RPS6KC1: variants seen among roughly 807,000 people sequenced by gnomAD.
The protein encoded by RPS6KC1 is ribosomal protein S6 kinase C1, also known as inactive ribosomal protein S6 kinase delta-1.
In RPS6KC1, 54 loss-of-function variants were observed where a neutral mutation model predicts 103.8. The observed-to-expected ratio is 0.52, with a 90% CI of 0.42 to 0.65. The LOEUF is 0.65. Ranked by LOEUF, RPS6KC1 falls within the 30% of genes least tolerant of loss-of-function variation. The probability of loss-of-function intolerance (pLI) is 0.00; values close to 1 mark genes in which losing one functional copy is unlikely to be tolerated. For synonymous variants in RPS6KC1, 439 were observed against 438.7 expected (o/e 1.00, Z -0.01); for missense variants, 1,151 against 1,253.8 (o/e 0.92, Z 1.24).
chr1:213,280,575 A>G, the RPS6KC1 span, among the ~76,000 whole-genome samples: 1 of 152,128 alleles, frequency 6.6e-6, no homozygotes, highest in Non-Finnish European at 1.5e-5. Flanking sequence ...AAACTGGGGA[A>G]CTCAGTGGGG....
At chr1:213,260,440 G>A (rs1232702025) in intron 12 of RPS6KC1, among the ~76,000 whole-genome samples, 1 of 152,068 alleles carries the variant, frequency 6.6e-6, no homozygotes, top group African/African-American at 2.4e-5. Flanking sequence ...TTCTTTTTCT[G>A]GTCCGTATGA....
intron 10 of RPS6KC1, among the ~76,000 whole-genome samples, chr1:213,238,152 T>C (rs888255017): frequency 6.6e-6 from 1 of 152,102 alleles, no homozygotes; most frequent in African/African-American, 2.4e-5. Flanking sequence ...ATTAATATGA[T>C]GTAAATGTCA....
the RPS6KC1 span, among the ~76,000 whole-genome samples, chr1:213,755,993 A>G: frequency 6.6e-6 from 1 of 151,714 alleles, no homozygotes; most frequent in Admixed American, 6.6e-5. Context: ...CACTACCTCC[A>G]CTCCTACTTG....
At chr1:213,410,507 T>C in the RPS6KC1 span, among the ~76,000 whole-genome samples, 1 of 151,876 alleles carries the variant, frequency 6.6e-6, no homozygotes, top group Non-Finnish European at 1.5e-5. Context: ...AGAGAGAAAA[T>C]ATCAAGAAAG....
chr1:213,459,271 C>A, the RPS6KC1 span, among the ~76,000 whole-genome samples: 7 of 152,062 alleles, frequency 4.6e-5, no homozygotes, highest in Admixed American at 2.0e-4. Context: ...TTAATTACTG[C>A]CTCAATTTCA....
the RPS6KC1 span, among the ~76,000 whole-genome samples, chr1:213,743,694 G>A: frequency 6.6e-6 from 1 of 152,158 alleles, no homozygotes; most frequent in African/African-American, 2.4e-5. Context: ...AGTAGGTAAA[G>A]ACCCAACAGG....
chr1:213,534,900 A>G, the RPS6KC1 span, among the ~76,000 whole-genome samples: 1 of 152,138 alleles, frequency 6.6e-6, no homozygotes, highest in Non-Finnish European at 1.5e-5. Context: ...CTCCTCTTCC[A>G]TGCTCTCAGC....
chr1:213,109,388 C>T (rs1375496389), intron 4 of RPS6KC1, among the ~76,000 whole-genome samples: 3 of 152,238 alleles, frequency 2.0e-5, no homozygotes, highest in African/African-American at 4.8e-5. Context: ...CCACCTGCCT[C>T]GGCCTCCCAA....
the RPS6KC1 span, among the ~76,000 whole-genome samples, chr1:213,290,274 C>T: frequency 6.6e-6 from 1 of 152,098 alleles, no homozygotes; most frequent in African/African-American, 2.4e-5. Context: ...GTAGATCTTC[C>T]TGCTTCTGGA....
the RPS6KC1 span, among the ~76,000 whole-genome samples, chr1:213,340,735 G>A: frequency 6.6e-6 from 1 of 152,352 alleles, no homozygotes; most frequent in South Asian, 2.1e-4. Context: ...GCAAATGGTT[G>A]GGAACAATGA....
At chr1:213,212,624 G>T (rs2093543896) in intron 8 of RPS6KC1, among the ~76,000 whole-genome samples, 1 of 152,154 alleles carries the variant, frequency 6.6e-6, no homozygotes, top group South Asian at 2.1e-4. Context: ...GTTCATTTAT[G>T]GTGAGAGTAT....
At chr1:213,603,099 C>T in the RPS6KC1 span, among the ~76,000 whole-genome samples, 1 of 152,182 alleles carries the variant, frequency 6.6e-6, no homozygotes, top group East Asian at 1.9e-4. Context: ...GCAGATTTAC[C>T]TCACACAAAC....
the RPS6KC1 span, among the ~76,000 whole-genome samples, chr1:213,509,822 T>C: frequency 6.6e-6 from 1 of 151,528 alleles, no homozygotes. Flanking sequence ...TTTATACCAG[T>C]ATCCTGTGAT....
the RPS6KC1 span, among the ~76,000 whole-genome samples, chr1:213,662,237 AT>A: frequency 1.4e-5 from 2 of 142,092 alleles, no homozygotes; most frequent in African/African-American, 5.2e-5. Context: ...AAAAAAAAAA[AT>A]TAGCAATATC....
At chr1:213,709,461 T>C in the RPS6KC1 span, among the ~76,000 whole-genome samples, 1 of 152,228 alleles carries the variant, frequency 6.6e-6, no homozygotes, top group Non-Finnish European at 1.5e-5. Flanking sequence ...TTAGACTGGC[T>C]AGTGTTCTAT....
At chr1:213,223,017 A>G (rs1378282515) in intron 8 of RPS6KC1, among the ~76,000 whole-genome samples, 1 of 152,186 alleles carries the variant, frequency 6.6e-6, no homozygotes, top group African/African-American at 2.4e-5. Flanking sequence ...TATTTGCAAA[A>G]TCGGTCTAGT....
chr1:213,404,964 T>C, the RPS6KC1 span, among the ~76,000 whole-genome samples: 3 of 152,234 alleles, frequency 2.0e-5, no homozygotes, highest in Non-Finnish European at 2.9e-5. Context: ...GGACAGATTG[T>C]GGTGGAGTGA....
intron 10 of RPS6KC1, among the ~76,000 whole-genome samples, chr1:213,235,978 C>CG (rs1300225609): frequency 2.0e-5 from 3 of 150,820 alleles, no homozygotes; most frequent in African/African-American, 7.3e-5. Flanking sequence ...GGGCCACAGA[C>CG]GGGTACCTGG....
chr1:213,799,746 CA>C, the RPS6KC1 span, among the ~76,000 whole-genome samples: 1 of 152,088 alleles, frequency 6.6e-6, no homozygotes, highest in Admixed American at 6.6e-5. Flanking sequence ...AAAACAGAGC[CA>C]GGGGTAGGTA....
Sources: allele counts gnomAD v4.1 joint callset (sites outside exome capture counted in the v4.1 genomes callset), GRCh38; gene constraint gnomAD v4.1.1; transcripts MANE v1.5; gene names NCBI Gene and HGNC (gene_info 2026-07-23, HGNC 2026-07-21).